SETD1A: variants seen among roughly 807,000 people sequenced by gnomAD.
SETD1A encodes the protein histone-lysine N-methyltransferase SETD1A.
Under a neutral mutation model 149.9 loss-of-function variants are expected in SETD1A, and 29 were observed. That is an observed-to-expected ratio of 0.19 (90% CI 0.14 to 0.26). The LOEUF is 0.26. Ranked by LOEUF, SETD1A falls within the 10% of genes least tolerant of loss-of-function variation. The pLI, the probability that SETD1A is intolerant of heterozygous loss-of-function variation, is 1.00. For synonymous variants in SETD1A, 1,141 were observed against 968.5 expected (o/e 1.18, Z -3.31); for missense variants, 2,109 against 2,353.1 (o/e 0.90, Z 2.15).
intron 13 of SETD1A, 38 bp downstream of exon 13, chr16:30,971,757 TGTGA>T: frequency 1.3e-6 from 2 of 1,515,454 alleles, no homozygotes; most frequent in Non-Finnish European, 1.8e-6. Flanking sequence ...TCGCTGTGTG[TGTGA>T]GAGAGAGAGA....
At chr16:30,964,396 GT>G in intron 6 of SETD1A, 73 bp downstream of exon 6, 1 of 1,392,522 alleles carries the variant, frequency 7.2e-7, no homozygotes, top group Non-Finnish European at 1.0e-6. Flanking sequence ...GATGCCCAGA[GT>G]CTGTCTCCAA....
intron 17 of SETD1A, among the ~76,000 whole-genome samples, chr16:30,981,433 G>A (rs571131851): frequency 2.0e-5 from 3 of 152,294 alleles, no homozygotes; most frequent in Admixed American, 6.5e-5. Context: ...GTAGTGCAGT[G>A]GTGCGATCTT....
Position 30,971,652 on chromosome 16 carries a change from G to A in SETD1A, c.3291G>A (p.Pro1097=), listed in dbSNP as rs146563257. Residue 1097 remains proline, a synonymous_variant, in exon 13 of 19, where the codon CCG becomes CCA. Transcript: ENST00000262519. ...PTPAPVEVPV[P]ERVAGSPVTP... The stretch of plus-strand genomic sequence containing the variant: ...CAGCACCTGTGGAGGTGCCAGTGCC[G>A]GAAAGGGTTGCAGGCTCCCCAGTCA... 1.2e-5 allele frequency: 20 copies of A among 1,610,498 alleles called. No individual in the cohort carries two copies. The highest frequency in any genetic ancestry group is 6.7e-5 in the African/African-American group (5 of 74,934).
intron 13 of SETD1A, among the ~76,000 whole-genome samples, chr16:30,978,598 G>A (rs1042693806): frequency 1.3e-5 from 2 of 152,260 alleles, no homozygotes; most frequent in African/African-American, 4.8e-5. Flanking sequence ...TTCTGTAGGG[G>A]ATGGGGAGGA....
At chr16:30,959,256 C>G (rs2056012836) in intron 3 of SETD1A, 70 bp downstream of exon 3, 4 of 1,006,830 alleles carry the variant, frequency 4.0e-6, no homozygotes, top group Non-Finnish European at 6.4e-6. Context: ...GGCACTATAG[C>G]TGAATAAAAG....
chr16:30,979,214 C>A lies in SETD1A; in HGVS notation c.3428C>A (p.Pro1143His). 6.3e-7 allele frequency: 1 copy of A among 1,586,302 alleles called. No individual in the cohort carries two copies. The highest frequency in any genetic ancestry group is 1.3e-5 in the African/African-American group (1 of 74,648). The change falls in exon 14 of 19, where the codon CCT becomes CAT. Residue 1143 changes from proline (P) to histidine (H), a missense_variant. Physicochemically the swap from Pro to His is moderately conservative, Grantham distance 77. Transcript: ENST00000262519. ...GAACCACCTGCTGGGCCCCCGGCCC[C>A]TGCCCCACGCCCCGATGAGCGTCCC... ...PPEPPAGPPA[P>H]APRPDERPSS...
Position 30,980,187 on chromosome 16 carries a change from T to A in SETD1A, c.4401T>A (p.His1467Gln), listed in dbSNP as rs760323595. ...ADWLNDTHWV[H>Q]HTITNLTTPK... is the part of the protein sequence containing the mutation. Reference sequence around the variant, plus strand: ...GGCTCAACGACACTCACTGGGTCCATCACACAAATATCCTGAGTGTGGGCG... The same window carrying A: ...GGCTCAACGACACTCACTGGGTCCAACACACAAATATCCTGAGTGTGGGCG... The change falls in exon 14 of 19, where the codon CAT (histidine) becomes CAA (glutamine). Residue 1467 changes from histidine to glutamine, a missense_variant. Physicochemically the swap from His to Gln is conservative, Grantham distance 24. Around this residue, in one of 8 missense-constraint regions of SETD1A, gnomAD observed 254 missense variants for 409.3 expected, o/e 0.62. Transcript: ENST00000262519. This position sits in a 1 kb window ranked among gnomAD's most constrained non-coding sequence, Gnocchi z 7.7. 1.1e-5 allele frequency: 18 copies of A among 1,605,694 alleles called. No homozygotes were observed. The highest frequency in any genetic ancestry group is 1.7e-5 in the Admixed American group (1 of 58,800).
rs1286544038 is a variant in SETD1A, at chr16:30,957,783, C to T, written c.-197C>T. 1 of 152,192 alleles carries T rather than the reference C, an allele frequency of 6.6e-6. No homozygotes were observed. Among genetic ancestry groups the T allele is most frequent in the Admixed American group, 6.5e-5 (1 of 15,286 alleles). The allele number at this position is 152,192 out of a possible 1,614,324, so 9.4% of individuals were successfully genotyped here. On this transcript the variant is annotated 5_prime_UTR_variant, in exon 1 of 19. Transcript: ENST00000262519. ...AGGTCCCGGGCCGCAGCATCTAGAT[C>T]GTCGTGGCGAAGCCGACTCTCCGGG...
At position 30,979,978 on chromosome 16, in the gene SETD1A, G is replaced by C. The variant is rs760701759; in HGVS notation, c.4192G>C (p.Ala1398Pro). 6.6e-6 allele frequency: 10 copies of C among 1,511,828 alleles called. No homozygotes were observed. The highest frequency in any genetic ancestry group is 1.4e-5 in the African/African-American group (1 of 70,366). 93.7% of individuals were successfully genotyped at this position (1,511,828 alleles called of 1,614,324 possible). The stretch of plus-strand genomic sequence containing the variant: ...CCGGAGGCGCAGCCTCCGCTCCCAC[G>C]CCCGGCGCCGCCGCCCTCCGCCCCC... The part of the protein sequence containing the change: ...ALRRRSLRSH[A>P]RRRRPPPPPP... Residue 1398 changes from alanine to proline, a missense_variant, in exon 14 of 19, where the codon GCC (alanine) becomes CCC (proline). Ala to Pro is a conservative substitution (Grantham distance 27, BLOSUM62 -1). This residue lies in a region of SETD1A where 832 missense variants were observed against 815.6 expected (regional missense o/e 1.02). Coordinates refer to ENST00000262519, the MANE Select transcript of SETD1A (RefSeq NM_014712.3).
intron 13 of SETD1A, among the ~76,000 whole-genome samples, chr16:30,972,290 C>T (rs918247863): frequency 6.6e-6 from 1 of 152,180 alleles, no homozygotes; most frequent in Non-Finnish European, 1.5e-5. Context: ...AGGCAGTGTT[C>T]TCACTCTCAT....
At chr16:30,969,998 G>C (rs935925858) in intron 12 of SETD1A, among the ~76,000 whole-genome samples, 1 of 151,974 alleles carries the variant, frequency 6.6e-6, no homozygotes, top group Non-Finnish European at 1.5e-5. Context: ...AGAGAGTTTC[G>C]CTCTTGTCGC....
intron 13 of SETD1A, among the ~76,000 whole-genome samples, chr16:30,973,780 C>T (rs2056253194): frequency 6.6e-6 from 1 of 152,128 alleles, no homozygotes; most frequent in Non-Finnish European, 1.5e-5. Context: ...GTGCACTCTA[C>T]TAAGCTCCAG....
At chr16:30,973,171 C>T (rs778174068) in intron 13 of SETD1A, among the ~76,000 whole-genome samples, 39 of 152,112 alleles carry the variant, frequency 2.6e-4, no homozygotes, top group Non-Finnish European at 5.1e-4. Flanking sequence ...ACAAATAGGC[C>T]AGCCATGTCA....
At chr16:30,960,886 C>T (rs1010727671) in intron 3 of SETD1A, among the ~76,000 whole-genome samples, 2 of 151,714 alleles carry the variant, frequency 1.3e-5, no homozygotes, top group Non-Finnish European at 2.9e-5. Context: ...CAGGTGCCCA[C>T]CATCACATCC....
chr16:30,958,430 G>A (rs932861550), intron 1 of SETD1A: 1 of 365,356 alleles, frequency 2.7e-6, no homozygotes, highest in African/African-American at 2.1e-5. Flanking sequence ...CGGGGGAGGG[G>A]TCTTGCTCCG....
Position 30,965,614 on chromosome 16 carries a change from C to T in SETD1A, c.1733C>T (p.Ser578Phe), listed in dbSNP as rs763883812. 10 of 1,612,066 alleles carry T rather than the reference C, an allele frequency of 6.2e-6. No individual in the cohort carries two copies. Among genetic ancestry groups the T allele is most frequent in the Non-Finnish European group, 6.8e-6 (8 of 1,179,444 alleles). Residue 578 changes from serine to phenylalanine, a missense_variant, in exon 8 of 19, where the codon TCT becomes TTT. Transcript: ENST00000262519. ...CTGCCCCCGCAGGCTTCTCCATGCTCTTCTGGAGACGACATGGAGATCTCC... is the reference window on the plus strand; with the variant it reads ...CTGCCCCCGCAGGCTTCTCCATGCTTTTCTGGAGACGACATGGAGATCTCC... Reference protein sequence around the residue: ...ANGQNQASPCSSGDDMEISDD... With the variant: ...ANGQNQASPCFSGDDMEISDD...
chr16:30,965,464 G>C lies in SETD1A; in HGVS notation c.1719+3G>C. On this transcript the variant is annotated splice_donor_region_variant and intron_variant, in intron 7 of 18. Coordinates refer to ENST00000262519, the MANE Select transcript of SETD1A (RefSeq NM_014712.3). ...CCAAGGCAAATGGACAGAACCAGGT[G>C]AGGTTGGGGTCAGCCAGAGGAGGCA... The C allele has an allele frequency of 6.3e-7, 1 of 1,591,568 alleles. No individual in the cohort carries two copies. Among genetic ancestry groups the C allele is most frequent in the Non-Finnish European group, 8.6e-7 (1 of 1,164,604 alleles).
chr16:30,966,489 C>A, intron 8 of SETD1A, 103 bp downstream of exon 8: 2 of 1,454,304 alleles, frequency 1.4e-6, no homozygotes, highest in Non-Finnish European at 1.8e-6. Flanking sequence ...GTGATGGAGG[C>A]GAGTGGAGAG....
In SETD1A at chr16:30,979,742, A is replaced by C. The variant is rs774381377; in HGVS notation, c.3956A>C (p.Glu1319Ala). Reference sequence around the variant, plus strand: ...CCTGCGCCAGCCCTGCGGCCCCCGGAGCCAGTGCCCGCACCCGCCGCCCTC... The same window carrying C: ...CCTGCGCCAGCCCTGCGGCCCCCGGCGCCAGTGCCCGCACCCGCCGCCCTC... Reference protein sequence around the residue: ...TPPAPALRPPEPVPAPAALFS... With the variant: ...TPPAPALRPPAPVPAPAALFS... Residue 1319 changes from glutamate to alanine, a missense_variant, in exon 14 of 19, where the codon GAG becomes GCG. Physicochemically the swap from Glu to Ala is moderately radical, Grantham distance 107 (BLOSUM62 -1). This residue lies in a region of SETD1A where 832 missense variants were observed against 815.6 expected (regional missense o/e 1.02). Transcript: ENST00000262519. 6.3e-7 allele frequency: 1 copy of C among 1,598,826 alleles called. No individual in the cohort carries two copies. The highest frequency in any genetic ancestry group is 8.5e-7 in the Non-Finnish European group (1 of 1,178,432).
Sources: gnomAD v4.1 joint callset for allele counts (sites outside exome capture counted in the v4.1 genomes callset) on GRCh38, gnomAD v4.1.1 for gene constraint, gnomAD v4.1.1 regional missense constraint, Gnocchi (gnomAD v3.1) non-coding constraint, MANE v1.5 for transcripts, NCBI Gene and HGNC (gene_info 2026-07-23, HGNC 2026-07-21) for gene names.